MIA2: variants seen among roughly 807,000 people sequenced by gnomAD.
The protein encoded by MIA2 is MIA SH3 domain ER export factor 2.
A neutral mutation model predicts 167.8 loss-of-function variants in MIA2; 127 were observed. The ratio of observed to expected loss-of-function variants is 0.76; its 90% CI spans 0.66 to 0.88. The LOEUF is 0.88. MIA2 is among the 40% of genes least tolerant of loss of function. The pLI is 0.00. For synonymous variants in MIA2, 552 were observed against 541.9 expected, an observed-to-expected ratio of 1.02 and a Z score of -0.26; for missense variants, 1,690 against 1,624.7, an observed-to-expected ratio of 1.04 and a Z score of -0.69.
chr14:39,280,911 G>GTTTTTTTTTTTTTTTTTTTTTTTTTT (rs751903170), intron 9 of MIA2, among the ~76,000 whole-genome samples: 1 of 60,200 alleles, frequency 1.7e-5, no homozygotes, highest in East Asian at 5.8e-4. Context: ...TATTAGTTTA[G>GTTTTTTTTTTTTTTTTTTTTTTTTTT]TTTTTTTTTT....
intron 6 of MIA2, among the ~76,000 whole-genome samples, chr14:39,258,673 T>C (rs1314946901): frequency 1.3e-5 from 2 of 152,204 alleles, no homozygotes; most frequent in Non-Finnish European, 2.9e-5. Flanking sequence ...CATTCTGGTT[T>C]TTGGAATTTT....
At chr14:39,386,204 G>T in intron 23 of MIA2, 1 of 1,393,908 alleles carries the variant, frequency 7.2e-7, no homozygotes, top group Middle Eastern at 1.8e-4. Context: ...GCTAAAGCCA[G>T]ATTTTATACC....
chr14:39,363,459 G>T (rs2074741801), intron 23 of MIA2, among the ~76,000 whole-genome samples: 2 of 152,210 alleles, frequency 1.3e-5, no homozygotes, highest in Non-Finnish European at 2.9e-5. Context: ...AGCCTGGGAG[G>T]TGGAGGTTGC....
intron 19 of MIA2, among the ~76,000 whole-genome samples, chr14:39,314,211 C>T (rs1284301134): frequency 6.6e-6 from 1 of 151,972 alleles, no homozygotes; most frequent in Non-Finnish European, 1.5e-5. Context: ...CATGATGAAA[C>T]CCCATCTCTA....
chr14:39,319,493 G>A (rs949776993), intron 23 of MIA2, among the ~76,000 whole-genome samples: 1 of 151,562 alleles, frequency 6.6e-6, no homozygotes, highest in Admixed American at 6.6e-5. Context: ...GAAAATTACT[G>A]TTGCTTTTAT....
intron 23 of MIA2, among the ~76,000 whole-genome samples, chr14:39,363,931 C>G (rs1231720539): frequency 6.6e-6 from 1 of 152,130 alleles, no homozygotes; most frequent in Non-Finnish European, 1.5e-5. Flanking sequence ...ATGTGATTTT[C>G]TTGTAGGCAG....
At chr14:39,269,074 G>A in intron 6 of MIA2, 1 of 580,218 alleles carries the variant, frequency 1.7e-6, no homozygotes, top group Non-Finnish European at 2.0e-6. Context: ...CACCTGCACA[G>A]TTTTTTTTTT....
rs2058225981 is a variant in MIA2 at position 39,277,677 on chromosome 14, TATATATATATGTGTG to T, written c.2019+613_2019+627del. On this transcript the variant is annotated intron_variant, in intron 7 of 28. Transcript: ENST00000640607. ...ATCTTTTAATGTAAGATCTTTTATA[TATATATATATGTGTG>T]TATATATATATATATATATATATGT... 4.2e-4 allele frequency among the ~76,000 whole-genome samples: 5 copies of T among 11,868 alleles called. 1 individual carries two copies. Among genetic ancestry groups the T allele is most frequent in the East Asian group, 4.8e-3 (1 of 210 alleles). The allele number at this position is 11,868 out of a possible 152,430, so 7.8% of individuals were successfully genotyped here.
chr14:39,378,164 T>C (rs1170267708), intron 23 of MIA2, among the ~76,000 whole-genome samples: 4 of 152,258 alleles, frequency 2.6e-5, no homozygotes, highest in Non-Finnish European at 5.9e-5. Flanking sequence ...TTTAAATTTT[T>C]CTCATAAGAG....
At chr14:39,375,758 C>T (rs780981591) in intron 23 of MIA2, among the ~76,000 whole-genome samples, 1 of 152,036 alleles carries the variant, frequency 6.6e-6, no homozygotes, top group Admixed American at 6.6e-5. Flanking sequence ...AAGGAAACAA[C>T]CTGAAAATTA....
chr14:39,370,098 TG>T lies in MIA2; in HGVS notation c.2249-16786del, dbSNP rs1322142320. Among the ~76,000 whole-genome samples, 10 of 152,386 alleles carry T rather than the reference TG, an allele frequency of 6.6e-5. No individual in the cohort carries two copies. In the East Asian group the frequency reaches 1.3e-3, roughly 21 times the overall value. On this transcript the variant is annotated intron_variant, in intron 23 of 23. Transcript: ENST00000341502. ...ATATTATAATACAACATTGAATTACTGCAGTGAAGTGGTTGCAGTTTTCACA... is the reference window on the plus strand; with the variant it reads ...ATATTATAATACAACATTGAATTACTCAGTGAAGTGGTTGCAGTTTTCACA...
Position 39,299,815 on chromosome 14 carries a change from AATG to A in MIA2, c.2497-46_2497-44del, listed in dbSNP as rs756659616. 1.9e-6 allele frequency: 3 copies of A among 1,562,512 alleles called. No homozygotes were observed. The South Asian group carries it at 3.6e-5, about 19-fold the overall frequency. ...ACATAATGCCTTCTTGGTATCTTTTAATGATTCACTTGTGTGATGAGTTGCATT... is the reference window on the plus strand; with the variant it reads ...ACATAATGCCTTCTTGGTATCTTTTAATTCACTTGTGTGATGAGTTGCATT... On this transcript the variant is annotated intron_variant, in intron 13 of 28. Transcript: ENST00000640607.
chr14:39,307,696 C>T (rs760036770), intron 17 of MIA2, among the ~76,000 whole-genome samples: 11 of 151,724 alleles, frequency 7.3e-5, no homozygotes, highest in African/African-American at 1.9e-4. Flanking sequence ...CCACCGTGCC[C>T]GGCCAAAATT....
chr14:39,339,806 T>A (rs1006592330), intron 25 of MIA2, among the ~76,000 whole-genome samples: 1 of 152,172 alleles, frequency 6.6e-6, no homozygotes, highest in African/African-American at 2.4e-5. Context: ...ATTTTTAATC[T>A]TATTGAATTT....
At chr14:39,276,089 C>G (rs2057963792) in intron 6 of MIA2, 1 of 152,124 alleles carries the variant, frequency 6.6e-6, no homozygotes, top group South Asian at 2.1e-4. Context: ...TGGCATTTTT[C>G]TTTTTTCCCC....
intron 6 of MIA2, chr14:39,266,008 G>A (rs1304715457): frequency 4.1e-6 from 4 of 985,426 alleles, no homozygotes; most frequent in Admixed American, 6.1e-5. Flanking sequence ...AAGCTAGGCC[G>A]CATTTTGGTC....
intron 25 of MIA2, among the ~76,000 whole-genome samples, chr14:39,327,946 T>C (rs1012967325): frequency 1.3e-5 from 2 of 152,334 alleles, no homozygotes; most frequent in African/African-American, 4.8e-5. Flanking sequence ...GCATGTGTCT[T>C]TATAGTAGAA....
chr14:39,300,965 C>CAT (rs1407962261), intron 14 of MIA2, among the ~76,000 whole-genome samples: 1 of 140,798 alleles, frequency 7.1e-6, no homozygotes, highest in Non-Finnish European at 1.6e-5. Flanking sequence ...TACATATACA[C>CAT]ATATATACAC....
At chr14:39,251,105 G>A (rs1265324153) in intron 4 of MIA2, among the ~76,000 whole-genome samples, 1 of 152,144 alleles carries the variant, frequency 6.6e-6, no homozygotes, top group Admixed American at 6.5e-5. Flanking sequence ...AATAACAAAT[G>A]AAAACTTGCT....
Sources: gnomAD v4.1 joint callset for allele counts (sites outside exome capture counted in the v4.1 genomes callset) on GRCh38, gnomAD v4.1.1 for gene constraint, MANE v1.5 for transcripts, NCBI Gene and HGNC (gene_info 2026-07-23, HGNC 2026-07-21) for gene names.